Variants in MPPED1 observed in about 807,000 individuals in gnomAD.
The protein encoded by MPPED1 is metallophosphoesterase domain containing 1.
A neutral mutation model predicts 36.2 loss-of-function variants in MPPED1; 16 were observed. The observed-to-expected ratio is 0.44, with a 90% CI of 0.30 to 0.67. The LOEUF is 0.67. Among genes scored for constraint, MPPED1 ranks in the 30% least tolerant of loss-of-function variants. The probability of loss-of-function intolerance (pLI) is 0.10; values close to 1 mark genes in which losing one functional copy is unlikely to be tolerated. For synonymous variants in MPPED1, 199 were observed against 191.3 expected (o/e 1.04, Z -0.33); for missense variants, 307 against 453.4 (o/e 0.68, Z 2.93).
At chr22:43,461,634 T>C (rs1930960647) in intron 3 of MPPED1, among the ~76,000 whole-genome samples, 1 of 152,210 alleles carries the variant, frequency 6.6e-6, no homozygotes, top group Non-Finnish European at 1.5e-5. Flanking sequence ...ATAAAGTCAT[T>C]GAGAGCTGCT....
intron 3 of MPPED1, among the ~76,000 whole-genome samples, chr22:43,452,026 T>C (rs1930588450): frequency 6.6e-6 from 1 of 151,890 alleles, no homozygotes; most frequent in African/African-American, 2.4e-5. Context: ...TTCTTTCTTT[T>C]TTTTTTTTTG....
At position 43,474,800 on chromosome 22, in the gene MPPED1, G is replaced by A; in HGVS notation, c.471G>A (p.Glu157=). Residue 157 remains glutamate, a synonymous_variant, in exon 4 of 7, where the codon GAG becomes GAA. Transcript: ENST00000443721. The surrounding 1 kb of genome is among the most constrained non-coding windows in gnomAD (Gnocchi z 5.2). The part of the protein sequence containing the change: ...AGNHELTFDQ[E]FMADLIKQDF... ...ACCACGAGCTGACCTTTGACCAGGA[G>A]TTCATGGCCGACCTCATCAAGCAGG... is the stretch of plus-strand genomic sequence containing the variant. 5 of 1,614,108 alleles carry A rather than the reference G, an allele frequency of 3.1e-6. No individual in the cohort carries two copies. The highest frequency in any genetic ancestry group is 4.2e-6 in the Non-Finnish European group (5 of 1,179,916).
intron 4 of MPPED1, among the ~76,000 whole-genome samples, chr22:43,495,557 G>A (rs1932272097): frequency 3.2e-5 from 4 of 123,450 alleles, no homozygotes; most frequent in Admixed American, 8.4e-5. Context: ...GGTGGAGATG[G>A]TGGTGGTGGA....
chr22:43,468,447 T>A (rs898215357), intron 3 of MPPED1, among the ~76,000 whole-genome samples: 2 of 152,216 alleles, frequency 1.3e-5, no homozygotes, highest in Non-Finnish European at 1.5e-5. Flanking sequence ...TTCCCAGATG[T>A]CCTCATATCC....
At chr22:43,469,421 G>A (rs1931286867) in intron 3 of MPPED1, among the ~76,000 whole-genome samples, 1 of 54,864 alleles carries the variant, frequency 1.8e-5, no homozygotes, top group African/African-American at 6.6e-5. Flanking sequence ...AATTAAGCAA[G>A]CGAGCCTCTA....
intron 3 of MPPED1, among the ~76,000 whole-genome samples, chr22:43,445,989 G>GC (rs1439063938): frequency 1.4e-5 from 2 of 143,762 alleles, no homozygotes; most frequent in Admixed American, 6.9e-5. Flanking sequence ...TCCCGCCTTA[G>GC]CCCCCCTAGT....
At position 43,435,031 on chromosome 22, in the gene MPPED1, C is replaced by T. The variant is rs1569068464; in HGVS notation, c.225-3C>T. 2 of 1,613,198 alleles carry T rather than the reference C, an allele frequency of 1.2e-6. No homozygotes were observed. Among genetic ancestry groups the T allele is most frequent in the Admixed American group, 1.7e-5 (1 of 60,010 alleles). On this transcript the variant is annotated splice_region_variant and splice_polypyrimidine_tract_variant and intron_variant, in intron 2 of 6. Transcript: ENST00000443721. The stretch of plus-strand genomic sequence containing the variant: ...TGATCCGCAGTGTCATCTCTCCCTG[C>T]AGGGTGGACCCGGTGCCTCACGATG...
chr22:43,479,745 A>G (rs1214666447), intron 4 of MPPED1, among the ~76,000 whole-genome samples: 1 of 152,212 alleles, frequency 6.6e-6, no homozygotes, highest in Non-Finnish European at 1.5e-5. Context: ...TAGCCTTGAT[A>G]TTGAGGGCTT....
At chr22:43,432,981 T>A (rs1236862200) in intron 2 of MPPED1, among the ~76,000 whole-genome samples, 3 of 151,520 alleles carry the variant, frequency 2.0e-5, no homozygotes, top group African/African-American at 7.3e-5. Flanking sequence ...TATGAATGAA[T>A]GAATTTGATT....
intron 5 of MPPED1, among the ~76,000 whole-genome samples, chr22:43,499,561 TGGTGGTGGTGGTAGTGGA>T (rs1459750273): frequency 6.3e-4 from 31 of 49,184 alleles, no homozygotes; most frequent in African/African-American, 2.4e-3. Context: ...GTGGTGGAGG[TGGTGGTGGTGGTAGTGGA>T]GGTGGTGGTG....
At chr22:43,452,728 C>T (rs1279205115) in intron 3 of MPPED1, among the ~76,000 whole-genome samples, 1 of 152,042 alleles carries the variant, frequency 6.6e-6, no homozygotes, top group Non-Finnish European at 1.5e-5. Context: ...TCCCGGGCTT[C>T]AGCAATCTTC....
At chr22:43,432,204 C>CAG (rs1324789966) in intron 2 of MPPED1, among the ~76,000 whole-genome samples, 3 of 35,026 alleles carry the variant, frequency 8.6e-5, no homozygotes, top group African/African-American at 2.1e-4. Context: ...CAGAGGCACA[C>CAG]AGAGAGAGAG....
Position 43,474,875 on chromosome 22 carries a change from G to C in MPPED1, c.546G>C (p.Glu182Asp). 1.2e-6 allele frequency: 2 copies of C among 1,614,034 alleles called. No individual in the cohort carries two copies. Among genetic ancestry groups the C allele is most frequent in the Non-Finnish European group, 1.7e-6 (2 of 1,179,896 alleles). The stretch of plus-strand genomic sequence containing the variant: ...CGAAGCTGAAGCCGGAGAACTATGA[G>C]AATGTGCAGTCGCTGCTGACCAACT... ...SVSKLKPENYENVQSLLTNCI... is the reference protein window; with the variant it reads ...SVSKLKPENYDNVQSLLTNCI... The change falls in exon 4 of 7, where the codon GAG (glutamate) becomes GAC (aspartate). Residue 182 changes from glutamate (E) to aspartate (D), a missense_variant. Physicochemically the swap from Glu to Asp is conservative, Grantham distance 45. Around this residue, in one of 3 missense-constraint regions of MPPED1, gnomAD observed 132 missense variants for 212.3 expected, o/e 0.62. Coordinates refer to ENST00000443721, the MANE Select transcript of MPPED1 (RefSeq NM_001044370.2). This position sits in a 1 kb window ranked among gnomAD's most constrained non-coding sequence, Gnocchi z 5.2.
intron 4 of MPPED1, among the ~76,000 whole-genome samples, chr22:43,482,615 C>T (rs895962987): frequency 5.3e-5 from 8 of 152,224 alleles, no homozygotes; most frequent in African/African-American, 1.7e-4. Flanking sequence ...AGTCCCCTTG[C>T]AGAACTGCCC....
At chr22:43,473,722 G>C (rs906941030) in intron 3 of MPPED1, among the ~76,000 whole-genome samples, 2 of 152,190 alleles carry the variant, frequency 1.3e-5, no homozygotes, top group African/African-American at 4.8e-5. Context: ...GCAGGGGCGA[G>C]TGGCGTTTAC....
At chr22:43,416,905 G>T (rs886392714) in intron 1 of MPPED1, 1 of 828,100 alleles carries the variant, frequency 1.2e-6, no homozygotes, top group Non-Finnish European at 1.5e-6. Context: ...TGTGCAATGG[G>T]AATGGAGAAT....
intron 3 of MPPED1, among the ~76,000 whole-genome samples, chr22:43,463,837 TTCTTTCTTTC>T (rs1931055463): frequency 7.3e-6 from 1 of 136,066 alleles, no homozygotes; most frequent in South Asian, 2.2e-4. Flanking sequence ...CTTTCTTTCT[TTCTTTCTTTC>T]TTTCTTTCTT....
chr22:43,485,857 A>T (rs1931897503), intron 4 of MPPED1, among the ~76,000 whole-genome samples: 1 of 152,220 alleles, frequency 6.6e-6, no homozygotes, highest in Non-Finnish European at 1.5e-5. Context: ...TGCCGTACGC[A>T]GTTGTGTGCC....
intron 1 of MPPED1, among the ~76,000 whole-genome samples, chr22:43,423,093 T>G (rs1425414796): frequency 2.0e-5 from 3 of 152,152 alleles, no homozygotes; most frequent in Admixed American, 6.5e-5. Context: ...CGTCTCAGCC[T>G]CCCGAAGTGC....
Sources: allele counts gnomAD v4.1 joint callset (sites outside exome capture counted in the v4.1 genomes callset), GRCh38; gene constraint gnomAD v4.1.1; regional missense constraint gnomAD v4.1.1; non-coding constraint Gnocchi (gnomAD v3.1); transcripts MANE v1.5; gene names NCBI Gene and HGNC (gene_info 2026-07-23, HGNC 2026-07-21).